Variants in MLH3 observed in about 807,000 individuals in gnomAD.
MLH3 encodes mutL homolog 3, also known as DNA mismatch repair protein Mlh3.
Under a neutral mutation model 122.2 loss-of-function variants are expected in MLH3, and 82 were observed. The observed-to-expected ratio is 0.67, with a 90% CI of 0.56 to 0.81. The LOEUF (loss-of-function observed/expected upper bound fraction) is 0.81, where lower values mean the gene tolerates loss of function less well. Among genes scored for constraint, MLH3 ranks in the 30% least tolerant of loss-of-function variants. The probability of loss-of-function intolerance (pLI) is 0.00; values close to 1 mark genes in which losing one functional copy is unlikely to be tolerated. For synonymous variants in MLH3, 524 were observed against 599.5 expected (o/e 0.87, Z 1.84); for missense variants, 1,539 against 1,714.5 (o/e 0.90, Z 1.81).
rs142042839 is a variant in MLH3, at chr14:75,046,362, T to A, written c.3280+14A>T. The A allele has an allele frequency of 2.2e-4, 354 of 1,613,974 alleles. 2 individuals carry two copies. In the East Asian group the frequency reaches 7.4e-3, roughly 34 times the overall value. On this transcript the variant is annotated intron_variant, in intron 2 of 12. Coordinates refer to ENST00000355774, the MANE Select transcript of MLH3 (RefSeq NM_001040108.2). ...TTCAAAAGCATCTCATGCACATGAA[T>A]ACTACGTACTTACCATTCTCAAGTA...
At chr14:75,043,307 C>T (rs1891998234) in intron 2 of MLH3, among the ~76,000 whole-genome samples, 1 of 152,218 alleles carries the variant, frequency 6.6e-6, no homozygotes, top group South Asian at 2.1e-4. Flanking sequence ...ATGTATGTCT[C>T]TATCCTAACA....
At position 75,049,003 on chromosome 14, in the gene MLH3, C is replaced by T; in HGVS notation, c.653G>A (p.Gly218Glu). ...CSRFCQIYGLGKSQKLREISF... is the reference protein window; with the variant it reads ...CSRFCQIYGLEKSQKLREISF... ...TATTTCTCTTAGCTTTTGGGACTTT[C>T]CCAATCCATAAATTTGACAAAATCG... Residue 218 changes from glycine to glutamate, a missense_variant, in exon 2 of 13, where the codon GGA becomes GAA. Transcript: ENST00000355774. 6.2e-7 allele frequency: 1 copy of T among 1,614,080 alleles called. No individual in the cohort carries two copies. The highest frequency in any genetic ancestry group is 1.1e-5 in the South Asian group (1 of 91,058).
chr14:75,023,392 G>A (rs552036747), intron 9 of MLH3, among the ~76,000 whole-genome samples: 80 of 152,244 alleles, frequency 5.3e-4, no homozygotes, highest in South Asian at 1.9e-3. Flanking sequence ...CAGAACAAGC[G>A]TAATATTACA....
rs759285554 is a variant in MLH3 at position 75,047,764 on chromosome 14, A to C, written c.1892T>G (p.Val631Gly). 1.1e-5 allele frequency: 17 copies of C among 1,614,006 alleles called. No homozygotes were observed. Among genetic ancestry groups the C allele is most frequent in the Non-Finnish European group, 1.4e-5 (17 of 1,180,004 alleles). ...TTGGGCACGTGTGGGACCAGGTCTA[A>C]CATAATTTTTAAATGAATGTTCTGT... ...TETEHSFKNYVRPGPTRAQET... is the reference protein window; with the variant it reads ...TETEHSFKNYGRPGPTRAQET... Residue 631 changes from valine (V) to glycine (G), a missense_variant, in exon 2 of 13, where the codon GTT (valine) becomes GGT (glycine). Transcript: ENST00000355774.
In MLH3 at chr14:75,015,809, C is replaced by T. The variant is rs1417737792; in HGVS notation, c.*1273G>A. 1 of 223,532 alleles carries T rather than the reference C, an allele frequency of 4.5e-6. No homozygotes were observed. Among genetic ancestry groups the T allele is most frequent in the Non-Finnish European group, 8.9e-6 (1 of 112,076 alleles). The allele number at this position is 223,532 out of a possible 1,614,324, so 13.8% of individuals were successfully genotyped here. A position where few individuals can be genotyped will look rare whatever the true frequency, so the allele number is the denominator to read the frequency against. On this transcript the variant is annotated 3_prime_UTR_variant, in exon 13 of 13. Coordinates refer to ENST00000355774, the MANE Select transcript of MLH3 (RefSeq NM_001040108.2). ...ATACTTTCATTGCTCCTGTAAGATT[C>T]ACTTCAAGGCTGCTGGCAAAGGAAC...
chr14:75,041,620 G>A lies in MLH3; in HGVS notation c.3460C>T (p.Pro1154Ser), dbSNP rs757591281. ...EWDNPVFARY[P>S]EVAVDVSSGQ... Reference sequence around the variant, plus strand: ...AAAAACTGCTACAGACCCACCTCTGGATAACGGGCAAATACTGGATTGTCC... The same window carrying A: ...AAAAACTGCTACAGACCCACCTCTGAATAACGGGCAAATACTGGATTGTCC... The change falls in exon 4 of 13, where the codon CCA (proline) becomes TCA (serine). Residue 1154 changes from proline (P) to serine (S), a missense_variant. Physicochemically the swap from Pro to Ser is moderately conservative, Grantham distance 74. Coordinates refer to ENST00000355774, the MANE Select transcript of MLH3 (RefSeq NM_001040108.2). The A allele has an allele frequency of 1.9e-6, 3 of 1,612,320 alleles. No homozygotes were observed. The highest frequency in any genetic ancestry group is 2.2e-5 in the South Asian group (2 of 91,062).
intron 9 of MLH3, among the ~76,000 whole-genome samples, chr14:75,029,053 G>A (rs1890851926): frequency 6.7e-6 from 1 of 149,402 alleles, no homozygotes; most frequent in Admixed American, 6.7e-5. Flanking sequence ...GGGAGGCTGA[G>A]GTAGGAGAAT....
Position 75,023,679 on chromosome 14 carries a change from A to G in MLH3, c.3988-661T>C, listed in dbSNP as rs575496312. ...AAGCTTAAAGAAATTTAAAGCAGACACTATTTCATGCTACCAATTTGTTTA... is the reference window on the plus strand; with the variant it reads ...AAGCTTAAAGAAATTTAAAGCAGACGCTATTTCATGCTACCAATTTGTTTA... On this transcript the variant is annotated intron_variant, in intron 9 of 12. Coordinates refer to ENST00000355774, the MANE Select transcript of MLH3 (RefSeq NM_001040108.2). Among the ~76,000 whole-genome samples, 11 of 152,334 alleles carry G rather than the reference A, an allele frequency of 7.2e-5. No homozygotes were observed. In the South Asian group the frequency reaches 2.1e-3, roughly 29 times the overall value.
Position 75,041,643 on chromosome 14 carries a change from T to C in MLH3, c.3437A>G (p.Asp1146Gly). 1 of 1,613,888 alleles carries C rather than the reference T, an allele frequency of 6.2e-7. No individual in the cohort carries two copies. Among genetic ancestry groups the C allele is most frequent in the Non-Finnish European group, 8.5e-7 (1 of 1,179,836 alleles). Reference protein sequence around the residue: ...ESLQSLFSEWDNPVFARYPEV... With the variant: ...ESLQSLFSEWGNPVFARYPEV... ...TGGATAACGGGCAAATACTGGATTG[T>C]CCCATTCTGAGAACAAAGACTGAAG... The change falls in exon 4 of 13, where the codon GAC becomes GGC. Residue 1146 changes from aspartate (D) to glycine (G), a missense_variant. Coordinates refer to ENST00000355774, the MANE Select transcript of MLH3 (RefSeq NM_001040108.2).
At position 75,014,597 on chromosome 14, in the gene MLH3, C is replaced by G. The variant is rs562117343; in HGVS notation, c.*2485G>C. ...TCCTTGTCTTTCTCAGTGACTAAAG[C>G]TAAGCCTCTTGAAGGTAGAGACAGC... is the stretch of plus-strand genomic sequence containing the variant. On this transcript the variant is annotated 3_prime_UTR_variant, in exon 13 of 13. Transcript: ENST00000355774. 4.0e-4 allele frequency: 81 copies of G among 203,746 alleles called. No homozygotes were observed. The Middle Eastern group carries it at 5.0e-3, about 13-fold the overall frequency. 12.6% of individuals were successfully genotyped at this position (203,746 alleles called of 1,614,324 possible). A position where few individuals can be genotyped will look rare whatever the true frequency, so the allele number is the denominator to read the frequency against.
chr14:75,043,177 A>T (rs1040857547), intron 2 of MLH3, among the ~76,000 whole-genome samples: 1 of 152,360 alleles, frequency 6.6e-6, no homozygotes, highest in African/African-American at 2.4e-5. Context: ...TACAATGCAT[A>T]GGACAAACCT....
chr14:75,018,461 G>C (rs1294849844), intron 12 of MLH3, among the ~76,000 whole-genome samples: 1 of 152,170 alleles, frequency 6.6e-6, no homozygotes, highest in Non-Finnish European at 1.5e-5. Context: ...TGGAAGTTGA[G>C]GCTCTATATT....
At chr14:75,031,501 C>T (rs913184826) in intron 8 of MLH3, among the ~76,000 whole-genome samples, 8 of 152,222 alleles carry the variant, frequency 5.3e-5, no homozygotes, top group South Asian at 4.1e-4. Flanking sequence ...CTATCCTATA[C>T]TCTTCAGCTG....
intron 7 of MLH3, 68 bp from the exon 8 acceptor site, chr14:75,032,247 G>A (rs1451511916): frequency 1.1e-6 from 1 of 922,482 alleles, no homozygotes; most frequent in Non-Finnish European, 1.8e-6. Flanking sequence ...TAAAAATAAA[G>A]CACGGCCTTG....
intron 9 of MLH3, among the ~76,000 whole-genome samples, chr14:75,023,796 T>C (rs1025457465): frequency 4.6e-5 from 7 of 152,240 alleles, no homozygotes; most frequent in Non-Finnish European, 8.8e-5. Context: ...AGGCTATGTG[T>C]AAATCTGCTC....
intron 12 of MLH3, among the ~76,000 whole-genome samples, chr14:75,018,310 G>A (rs1890035530): frequency 6.6e-6 from 1 of 152,176 alleles, no homozygotes. Flanking sequence ...GCAGGTTGCT[G>A]GGTAATTAGG....
At chr14:75,025,893 C>T (rs879425931) in intron 9 of MLH3, among the ~76,000 whole-genome samples, 1 of 152,180 alleles carries the variant, frequency 6.6e-6, no homozygotes, top group South Asian at 2.1e-4. Flanking sequence ...ATCCATGCTA[C>T]AACCCTCAGA....
chr14:75,021,168 C>T (rs1357687001), intron 11 of MLH3, among the ~76,000 whole-genome samples: 4 of 152,230 alleles, frequency 2.6e-5, no homozygotes, highest in African/African-American at 7.2e-5. Flanking sequence ...TAAGCAACCG[C>T]GCCTGGGCGC....
rs768910706 is a variant in MLH3 at position 75,017,127 on chromosome 14, T to G, written c.4317A>C (p.Thr1439=). 6.2e-7 allele frequency: 1 copy of G among 1,614,102 alleles called. No homozygotes were observed. ...GCATGGATTGCTGCAGGCTCTGCCT[T>G]GTATCACACTCTGCTTTTCCAAAGA... The part of the protein sequence containing the change: ...WRLFGKAECD[T]RQSLQQSMPP... The change falls in exon 13 of 13, where the codon ACA becomes ACC. Residue 1439 remains threonine, a synonymous_variant. Coordinates refer to ENST00000355774, the MANE Select transcript of MLH3 (RefSeq NM_001040108.2).
Sources: allele counts gnomAD v4.1 joint callset (sites outside exome capture counted in the v4.1 genomes callset), GRCh38; gene constraint gnomAD v4.1.1; transcripts MANE v1.5; gene names NCBI Gene and HGNC (gene_info 2026-07-23, HGNC 2026-07-21).